Variants in CDKAL1 observed in about 807,000 individuals in gnomAD.
CDKAL1 encodes threonylcarbamoyladenosine tRNA methylthiotransferase.
In CDKAL1, 32 loss-of-function variants were observed where a neutral mutation model predicts 68.2. The observed-to-expected ratio is 0.47, with a 90% CI of 0.35 to 0.63. CDKAL1 has a LOEUF of 0.63. Ranked by LOEUF, CDKAL1 falls within the 30% of genes least tolerant of loss-of-function variation. The probability of loss-of-function intolerance (pLI) is 0.00; values close to 1 mark genes in which losing one functional copy is unlikely to be tolerated. For synonymous variants in CDKAL1, 234 were observed against 244.3 expected, an observed-to-expected ratio of 0.96 and a Z score of 0.39; for missense variants, 606 against 696.7, an observed-to-expected ratio of 0.87 and a Z score of 1.47.
intron 5 of CDKAL1, among the ~76,000 whole-genome samples, chr6:20,659,197 G>T (rs1212589787): frequency 6.6e-6 from 1 of 152,098 alleles, no homozygotes; most frequent in Non-Finnish European, 1.5e-5. Context: ...ACAGGGTTTT[G>T]ATTTGGCCTT....
intron 1 of CDKAL1, 52 bp downstream of exon 1, chr6:20,534,626 T>TA (rs1401165724): frequency 6.5e-6 from 1 of 152,676 alleles, no homozygotes; most frequent in East Asian, 1.9e-4. Context: ...ACAGCTCCTT[T>TA]TATGGCCAAG....
chr6:20,630,391 A>C (rs988766568), intron 4 of CDKAL1, among the ~76,000 whole-genome samples: 1 of 152,052 alleles, frequency 6.6e-6, no homozygotes, highest in Non-Finnish European at 1.5e-5. Flanking sequence ...TGCTTTTATC[A>C]GTCCCACCTA....
At chr6:21,121,258 T>C (rs1273615983) in intron 13 of CDKAL1, among the ~76,000 whole-genome samples, 1 of 152,244 alleles carries the variant, frequency 6.6e-6, no homozygotes, top group Non-Finnish European at 1.5e-5. Context: ...TCTTTGATTT[T>C]AAACTTTTAA....
At chr6:21,112,819 C>T (rs1774190945) in intron 13 of CDKAL1, among the ~76,000 whole-genome samples, 1 of 152,114 alleles carries the variant, frequency 6.6e-6, no homozygotes, top group Non-Finnish European at 1.5e-5. Context: ...AGCTCAGAAC[C>T]TCTAAAAAAG....
intron 9 of CDKAL1, among the ~76,000 whole-genome samples, chr6:20,934,504 C>T (rs556753670): frequency 6.6e-6 from 1 of 152,060 alleles, no homozygotes; most frequent in South Asian, 2.1e-4. Flanking sequence ...GTTGTGTAGT[C>T]TGTTTTCTGA....
At chr6:20,846,289 T>C in intron 9 of CDKAL1, 111 bp downstream of exon 9, 1 of 625,196 alleles carries the variant, frequency 1.6e-6, no homozygotes, top group Non-Finnish European at 2.8e-6. Flanking sequence ...TGAAGAGTTT[T>C]ACAAATATAC....
intron 9 of CDKAL1, among the ~76,000 whole-genome samples, chr6:20,919,468 G>C (rs1762854652): frequency 6.6e-6 from 1 of 152,124 alleles, no homozygotes; most frequent in African/African-American, 2.4e-5. Flanking sequence ...TGCCATGGTG[G>C]TTTGCTGCAC....
chr6:20,830,515 A>T (rs749037854), intron 8 of CDKAL1, among the ~76,000 whole-genome samples: 38 of 152,202 alleles, frequency 2.5e-4, no homozygotes, highest in Non-Finnish European at 4.3e-4. Flanking sequence ...TTTGGGACCA[A>T]ATTTAAAAAT....
At chr6:21,187,707 A>C (rs147990219) in intron 13 of CDKAL1, among the ~76,000 whole-genome samples, 1 of 152,222 alleles carries the variant, frequency 6.6e-6, no homozygotes, top group African/African-American at 2.4e-5. Context: ...GCAGATTACT[A>C]GATTACATAA....
At chr6:20,741,335 A>G (rs185670151) in intron 6 of CDKAL1, among the ~76,000 whole-genome samples, 33 of 151,724 alleles carry the variant, frequency 2.2e-4, no homozygotes, top group African/African-American at 7.3e-4. Context: ...TTAAACTTCT[A>G]TTTTAAGTTG....
chr6:20,742,673 G>A (rs905955105), intron 6 of CDKAL1, among the ~76,000 whole-genome samples: 1 of 151,172 alleles, frequency 6.6e-6, no homozygotes, highest in African/African-American at 2.4e-5. Flanking sequence ...TGCTCTCGCT[G>A]GTCTTTTAAA....
intron 6 of CDKAL1, among the ~76,000 whole-genome samples, chr6:20,753,803 G>C (rs567948133): frequency 7.2e-5 from 11 of 152,226 alleles, no homozygotes; most frequent in African/African-American, 2.7e-4. Context: ...AACTAGGATT[G>C]ACATTACTAA....
At chr6:21,110,755 T>C (rs1213563341) in intron 13 of CDKAL1, among the ~76,000 whole-genome samples, 2 of 152,174 alleles carry the variant, frequency 1.3e-5, no homozygotes, top group African/African-American at 4.8e-5. Context: ...GCGCAGGAGT[T>C]TGAGACCAGC....
At chr6:20,574,372 T>C (rs577948769) in intron 4 of CDKAL1, among the ~76,000 whole-genome samples, 2 of 152,118 alleles carry the variant, frequency 1.3e-5, no homozygotes, top group South Asian at 4.1e-4. Flanking sequence ...GGTCCTTATG[T>C]CTTGAGCTAT....
In CDKAL1 at chr6:20,762,640, G is replaced by T. The variant is rs1045812461; in HGVS notation, c.517+3997G>T. On this transcript the variant is annotated intron_variant, in intron 7 of 15. Coordinates refer to ENST00000274695, the MANE Select transcript of CDKAL1 (RefSeq NM_017774.3). The stretch of plus-strand genomic sequence containing the variant: ...CAGCAAGTTATTTTTCTGAGGCTTA[G>T]TTTTCTCAGCTTAAAATGGTCAGGA... 2.0e-5 allele frequency among the ~76,000 whole-genome samples: 3 copies of T among 152,174 alleles called. No individual in the cohort carries two copies. In the East Asian group the frequency reaches 5.8e-4, roughly 29 times the overall value.
chr6:20,847,889 C>T (rs889272294), intron 9 of CDKAL1, among the ~76,000 whole-genome samples: 11 of 152,226 alleles, frequency 7.2e-5, no homozygotes, highest in African/African-American at 2.4e-4. Flanking sequence ...TGAAAATACA[C>T]TCCACAGTGT....
chr6:21,038,033 C>G (rs768352944), intron 11 of CDKAL1, among the ~76,000 whole-genome samples: 1 of 152,106 alleles, frequency 6.6e-6, no homozygotes, highest in Non-Finnish European at 1.5e-5. Flanking sequence ...ACATGAAAGA[C>G]AAGCATGATT....
chr6:20,960,104 A>T (rs1299243407), intron 10 of CDKAL1, among the ~76,000 whole-genome samples: 1 of 152,080 alleles, frequency 6.6e-6, no homozygotes, highest in East Asian at 1.9e-4. Context: ...TATAGATATT[A>T]TTATCCTCAA....
chr6:20,831,507 C>T (rs1229574377), intron 8 of CDKAL1, among the ~76,000 whole-genome samples: 2 of 152,134 alleles, frequency 1.3e-5, no homozygotes, highest in South Asian at 4.1e-4. Context: ...ATTTGCTGAG[C>T]AGACTTCTCA....
Sources: allele counts gnomAD v4.1 joint callset (sites outside exome capture counted in the v4.1 genomes callset), GRCh38; gene constraint gnomAD v4.1.1; transcripts MANE v1.5; gene names NCBI Gene and HGNC (gene_info 2026-07-23, HGNC 2026-07-21).